The following JAK2 variants were observed in gnomAD, a reference collection of about 807,000 sequenced individuals.
JAK2 encodes the protein Janus kinase 2.
Under a neutral mutation model 139.3 loss-of-function variants are expected in JAK2, and 86 were observed. The observed-to-expected ratio is 0.62, with a 90% CI of 0.52 to 0.74. JAK2 has a LOEUF of 0.74. Among genes scored for constraint, JAK2 ranks in the 30% least tolerant of loss-of-function variants. The pLI, the probability that JAK2 is intolerant of heterozygous loss-of-function variation, is 0.00. For missense variants in JAK2, 1,421 were observed against 1,360.3 expected (o/e 1.04, Z -0.70); for synonymous variants, 490 against 437.7 (o/e 1.12, Z -1.49).
In JAK2 at chr9:5,044,536, C is replaced by T; in HGVS notation, c.468+16C>T. On this transcript the variant is annotated intron_variant, in intron 5 of 24. Coordinates refer to ENST00000381652, the MANE Select transcript of JAK2 (RefSeq NM_004972.4). ...CTTTGCTCAGGTATGATTATATTATCTTACTTGTACATGAGTTAAATGATA... is the reference window on the plus strand; with the variant it reads ...CTTTGCTCAGGTATGATTATATTATTTTACTTGTACATGAGTTAAATGATA... 1.4e-6 allele frequency: 2 copies of T among 1,386,202 alleles called. No homozygotes were observed. Among genetic ancestry groups the T allele is most frequent in the Non-Finnish European group, 2.0e-6 (2 of 993,772 alleles). The allele number at this position is 1,386,202 out of a possible 1,614,324, so 85.9% of individuals were successfully genotyped here.
intron 2 of JAK2, among the ~76,000 whole-genome samples, chr9:4,998,187 C>G (rs1293772804): frequency 6.6e-6 from 1 of 151,830 alleles, no homozygotes; most frequent in Admixed American, 6.6e-5. Flanking sequence ...TTAAAAATGT[C>G]TTGGTAATAC....
rs1824186571 is a variant in JAK2 at position 5,129,172 on chromosome 9, T to C, written c.*2381T>C. Among the ~76,000 whole-genome samples the C allele has an allele frequency of 6.6e-6, 1 of 152,122 alleles. No homozygotes were observed. Among genetic ancestry groups the C allele is most frequent in the Non-Finnish European group, 1.5e-5 (1 of 67,944 alleles). ...GAGTTAGCAAATACCTACAGTTCTG[T>C]ATCTATAGAGCCAATCTTGATGGTG... On this transcript the variant is annotated 3_prime_UTR_variant, in exon 25 of 25. Coordinates refer to ENST00000381652, the MANE Select transcript of JAK2 (RefSeq NM_004972.4).
At chr9:5,066,548 G>T (rs556327801) in intron 9 of JAK2, 130 bp from the exon 10 acceptor site, 2 of 589,586 alleles carry the variant, frequency 3.4e-6, no homozygotes, top group South Asian at 2.1e-5. Flanking sequence ...AAAGATTATT[G>T]CTAAACATAT....
intron 4 of JAK2, among the ~76,000 whole-genome samples, chr9:5,031,986 G>C (rs1434309982): frequency 6.6e-6 from 1 of 152,262 alleles, no homozygotes; most frequent in Admixed American, 6.5e-5. Context: ...GAAGCGCAAA[G>C]GGTCAGGGAA....
At chr9:5,094,413 C>G (rs1419190320) in intron 22 of JAK2, 1 of 152,134 alleles carries the variant, frequency 6.6e-6, no homozygotes, top group African/African-American at 2.4e-5. Context: ...GCCTAGCAGT[C>G]TATTCCATTC....
chr9:5,126,391 T>G lies in JAK2; in HGVS notation c.3236T>G (p.Ile1079Arg). ...GGACAGATGATCGTGTTCCATTTGA[T>G]AGAACTTTTGAAGAATAATGGAAGA... is the stretch of plus-strand genomic sequence containing the variant. ...KQGQMIVFHL[I>R]ELLKNNGRLP... Residue 1079 changes from isoleucine (I) to arginine (R), a missense_variant, in exon 24 of 25, where the codon ATA (isoleucine) becomes AGA (arginine). Transcript: ENST00000381652. 1 of 1,611,156 alleles carries G rather than the reference T, an allele frequency of 6.2e-7. No homozygotes were observed. Among genetic ancestry groups the G allele is most frequent in the Non-Finnish European group, 8.5e-7 (1 of 1,178,168 alleles).
chr9:5,042,426 C>A (rs565025834), intron 4 of JAK2, among the ~76,000 whole-genome samples: 67 of 152,216 alleles, frequency 4.4e-4, no homozygotes, highest in African/African-American at 1.5e-3. Flanking sequence ...CGTGAGCCAC[C>A]GCGCCCGGCC....
At chr9:5,063,890 A>G (rs536605158) in intron 8 of JAK2, among the ~76,000 whole-genome samples, 10 of 152,298 alleles carry the variant, frequency 6.6e-5, no homozygotes, top group Admixed American at 5.2e-4. Flanking sequence ...GGGCATGGTG[A>G]CTCACGCGTG....
chr9:5,115,095 A>G (rs967134315), intron 22 of JAK2, among the ~76,000 whole-genome samples: 1 of 152,222 alleles, frequency 6.6e-6, no homozygotes, highest in African/African-American at 2.4e-5. Flanking sequence ...AAACAGCTGC[A>G]TAGCAAAAGA....
intron 2 of JAK2, among the ~76,000 whole-genome samples, chr9:4,994,386 C>T (rs900040022): frequency 1.4e-4 from 21 of 152,132 alleles, no homozygotes; most frequent in African/African-American, 4.1e-4. Context: ...CACAAATTGC[C>T]GCTGGGCCCC....
At chr9:5,098,092 G>C (rs1483078322) in intron 22 of JAK2, 1 of 152,034 alleles carries the variant, frequency 6.6e-6, no homozygotes, top group Non-Finnish European at 1.5e-5. Context: ...CCTTTGTTTC[G>C]AAAAGAAAAA....
rs1820796158 is a variant in JAK2, at chr9:4,999,366, A to G, written c.-26+13344A>G. Reference sequence around the variant, plus strand: ...ATATACTGTTTTAATAGGCAGTAGTAGTATACAAGCTTTGACCAAATGTCT... The same window carrying G: ...ATATACTGTTTTAATAGGCAGTAGTGGTATACAAGCTTTGACCAAATGTCT... On this transcript the variant is annotated intron_variant, in intron 2 of 24. Transcript: ENST00000381652. Among the ~76,000 whole-genome samples, 9 of 152,346 alleles carry G rather than the reference A, an allele frequency of 5.9e-5. No homozygotes were observed. In the South Asian group the frequency reaches 1.9e-3, roughly 32 times the overall value.
chr9:5,080,591 CA>C lies in JAK2; in HGVS notation c.2345del (p.Asn782ThrfsTer3). ...QLPAPKWAELANLINNCMDYE... is the reference protein window; with the variant it reads ...QLPAPKWAELXNLINNCMDYE... ...CCTGCACCAAAGTGGGCAGAATTAGCAAACCTTATAAATAATTGTATGGATT... is the reference window on the plus strand; with the variant it reads ...CCTGCACCAAAGTGGGCAGAATTAGCAACCTTATAAATAATTGTATGGATT... On this transcript the variant is annotated frameshift_variant, in exon 18 of 25. Transcript: ENST00000381652. LOFTEE classifies it high-confidence loss of function. The C allele has an allele frequency of 6.2e-7, 1 of 1,606,838 alleles. No individual in the cohort carries two copies. Among genetic ancestry groups the C allele is most frequent in the Non-Finnish European group, 8.5e-7 (1 of 1,178,012 alleles).
At chr9:5,068,956 T>A in intron 10 of JAK2, 66 bp from the exon 11 acceptor site, 1 of 880,872 alleles carries the variant, frequency 1.1e-6, no homozygotes, top group Non-Finnish European at 1.7e-6. Context: ...TATCATTTTG[T>A]CAGAATAATC....
At chr9:5,051,284 T>C (rs1240452892) in intron 6 of JAK2, among the ~76,000 whole-genome samples, 3 of 152,170 alleles carry the variant, frequency 2.0e-5, no homozygotes, top group African/African-American at 7.2e-5. Context: ...TTTCATTTAT[T>C]CTGAGAAGGC....
Position 5,103,775 on chromosome 9 carries a change from G to A in JAK2, c.3059+12864G>A, listed in dbSNP as rs188213793. On this transcript the variant is annotated intron_variant, in intron 22 of 24. Coordinates refer to ENST00000381652, the MANE Select transcript of JAK2 (RefSeq NM_004972.4). ...AGGACTAAGAAACTCACTCAAAACC[G>A]CACAACTTCATGGAAATTGAACAAC... 1.3e-4 allele frequency among the ~76,000 whole-genome samples: 20 copies of A among 152,116 alleles called. No homozygotes were observed. In the East Asian group the frequency reaches 1.9e-3, roughly 15 times the overall value.
intron 4 of JAK2, among the ~76,000 whole-genome samples, chr9:5,033,919 T>C (rs1036085315): frequency 2.0e-5 from 3 of 152,184 alleles, no homozygotes; most frequent in Non-Finnish European, 2.9e-5. Flanking sequence ...ATGGGCTAAA[T>C]GCTCCAATTA....
At chr9:5,044,110 CTA>C (rs1250366577) in intron 4 of JAK2, among the ~76,000 whole-genome samples, 2 of 152,186 alleles carry the variant, frequency 1.3e-5, no homozygotes, top group South Asian at 2.1e-4. Context: ...CTGGATTAAG[CTA>C]TGTTTTTAAC....
chr9:5,123,215 C>G lies in JAK2; in HGVS notation c.3177+94C>G. On this transcript the variant is annotated intron_variant, in intron 23 of 24. Transcript: ENST00000381652. ...CAAGTACAATTTTGCTACATGCATA[C>G]ATTGCATAGTGGTGAAGTCAGAGCT... 3 of 739,506 alleles carry G rather than the reference C, an allele frequency of 4.1e-6. No homozygotes were observed. The South Asian group carries it at 5.6e-5, about 14-fold the overall frequency. The allele number at this position is 739,506 out of a possible 1,614,324, so 45.8% of individuals were successfully genotyped here.
Sources: gnomAD v4.1 joint callset for allele counts (sites outside exome capture counted in the v4.1 genomes callset) on GRCh38, gnomAD v4.1.1 for gene constraint, MANE v1.5 for transcripts, NCBI Gene and HGNC (gene_info 2026-07-23, HGNC 2026-07-21) for gene names.